Variants in TULP3 observed in about 807,000 individuals in gnomAD.
TULP3 encodes TUB like protein 3.
Under a neutral mutation model 50.7 loss-of-function variants are expected in TULP3, and 38 were observed. That is an observed-to-expected ratio of 0.75 (90% CI 0.58 to 0.98). The LOEUF (loss-of-function observed/expected upper bound fraction) is 0.98. Ranked by LOEUF, TULP3 falls within the 50% of genes least tolerant of loss-of-function variation. TULP3 has a pLI of 0.00. For synonymous variants in TULP3, 183 were observed against 196.6 expected, an observed-to-expected ratio of 0.93 and a Z score of 0.58; for missense variants, 550 against 568.0, an observed-to-expected ratio of 0.97 and a Z score of 0.32.
At chr12:2,932,579 C>CA (rs11409686) in intron 6 of TULP3, among the ~76,000 whole-genome samples, 22,146 of 68,316 alleles carry the variant, frequency 0.32, 2,601 homozygotes, top group Middle Eastern at 0.39. Flanking sequence ...GACCCTATCT[C>CA]AAAAAAAAAA....
chr12:2,901,718 A>G (rs1018105763), intron 1 of TULP3, among the ~76,000 whole-genome samples: 1 of 152,128 alleles, frequency 6.6e-6, no homozygotes, highest in Non-Finnish European at 1.5e-5. Context: ...TTAATCTGTA[A>G]GAGTTCTTTA....
In TULP3 at chr12:2,939,804, AAC is replaced by A; in HGVS notation, c.*371_*372del. ...TTTGGAACGACCCCTGAATATATAA[AAC>A]ACACACACACCCCGCGCACTCTCAC... is the stretch of plus-strand genomic sequence containing the variant. On this transcript the variant is annotated 3_prime_UTR_variant, in exon 11 of 11. Coordinates refer to ENST00000448120, the MANE Select transcript of TULP3 (RefSeq NM_003324.5). This position sits in a 1 kb window ranked among gnomAD's most constrained non-coding sequence, Gnocchi z 4.0. 3.4e-6 allele frequency: 4 copies of A among 1,189,886 alleles called. No homozygotes were observed. The highest frequency in any genetic ancestry group is 2.1e-6 in the Non-Finnish European group (2 of 942,832). The allele number at this position is 1,189,886 out of a possible 1,614,324, so 73.7% of individuals were successfully genotyped here. A position where few individuals can be genotyped will look rare whatever the true frequency, so the allele number is the denominator to read the frequency against.
chr12:2,904,897 G>C (rs1306617487), intron 1 of TULP3, among the ~76,000 whole-genome samples: 2 of 151,952 alleles, frequency 1.3e-5, no homozygotes, highest in Non-Finnish European at 2.9e-5. Flanking sequence ...CTGAAGTCAG[G>C]AGTTTGAGAC....
chr12:2,912,042 AG>A (rs1472007192), intron 2 of TULP3, among the ~76,000 whole-genome samples: 1 of 152,044 alleles, frequency 6.6e-6, no homozygotes, highest in Admixed American at 6.6e-5. Flanking sequence ...GTCACTCAGT[AG>A]GGGGTAAGGG....
intron 1 of TULP3, among the ~76,000 whole-genome samples, chr12:2,891,894 AAAAAT>A (rs765002666): frequency 1.2e-4 from 19 of 152,054 alleles, no homozygotes; most frequent in Admixed American, 7.2e-4. Flanking sequence ...ATCTCTAGAA[AAAAAT>A]AAAATAAAAT....
At position 2,907,660 on chromosome 12, in the gene TULP3, A is replaced by ATT. The variant is rs1565499305; in HGVS notation, c.42-1869_42-1868insTT. ...GAGACTCTGTCTCAAAAAAAAAAAA[A>ATT]ATTTTTTATTCTTATACACACTGAA... On this transcript the variant is annotated intron_variant, in intron 1 of 10. Coordinates refer to ENST00000448120, the MANE Select transcript of TULP3 (RefSeq NM_003324.5). 2.0e-3 allele frequency among the ~76,000 whole-genome samples: 94 copies of ATT among 47,182 alleles called. 1 individual carries two copies. The highest frequency in any genetic ancestry group is 7.3e-3 in the African/African-American group (76 of 10,384). The allele number at this position is 47,182 out of a possible 152,430, so 31.0% of individuals were successfully genotyped here. A position where few individuals can be genotyped will look rare whatever the true frequency, so the allele number is the denominator to read the frequency against.
intron 2 of TULP3, among the ~76,000 whole-genome samples, chr12:2,913,823 C>T (rs745800190): frequency 9.9e-5 from 15 of 152,032 alleles, no homozygotes; most frequent in Admixed American, 2.6e-4. Flanking sequence ...ATTGGTCAGG[C>T]TGATCTCGAA....
chr12:2,915,516 C>T (rs1028687652), intron 2 of TULP3, among the ~76,000 whole-genome samples: 8 of 147,280 alleles, frequency 5.4e-5, no homozygotes, highest in African/African-American at 1.3e-4. Context: ...GCTTTGTGGG[C>T]GGGGAGATTA....
At chr12:2,915,270 G>A (rs1487515854) in intron 2 of TULP3, among the ~76,000 whole-genome samples, 1 of 152,160 alleles carries the variant, frequency 6.6e-6, no homozygotes, top group Non-Finnish European at 1.5e-5. Context: ...GATTACAGGC[G>A]TGAGCCACTG....
Position 2,921,556 on chromosome 12 carries a change from G to A in TULP3, c.253+634G>A, listed in dbSNP as rs147418039. On this transcript the variant is annotated intron_variant, in intron 3 of 10. Transcript: ENST00000448120. ...ATGAAGCCGGGAATAGGTAGAGAGC[G>A]TCCATTCTTCCAACAGATAGTTGAA... 1.9e-3 allele frequency among the ~76,000 whole-genome samples: 295 copies of A among 152,196 alleles called. 1 individual carries two copies. Among genetic ancestry groups the A allele is most frequent in the African/African-American group, 6.9e-3 (286 of 41,524 alleles).
At chr12:2,896,673 T>C (rs956312337) in intron 1 of TULP3, among the ~76,000 whole-genome samples, 24 of 152,228 alleles carry the variant, frequency 1.6e-4, no homozygotes, top group African/African-American at 5.5e-4. Context: ...TATTGCTATT[T>C]AGCTTTGCAG....
At chr12:2,924,187 A>G (rs2098193403) in intron 4 of TULP3, among the ~76,000 whole-genome samples, 1 of 152,114 alleles carries the variant, frequency 6.6e-6, no homozygotes, top group Non-Finnish European at 1.5e-5. Flanking sequence ...CTCCACTTGG[A>G]CACTTTCCCA....
At chr12:2,900,905 G>C (rs2098178811) in intron 1 of TULP3, among the ~76,000 whole-genome samples, 1 of 142,586 alleles carries the variant, frequency 7.0e-6, no homozygotes, top group Admixed American at 7.2e-5. Flanking sequence ...TGTAGAGACG[G>C]TTTCACCATG....
chr12:2,896,245 T>C (rs1388128649), intron 1 of TULP3, among the ~76,000 whole-genome samples: 1 of 152,136 alleles, frequency 6.6e-6, no homozygotes, highest in African/African-American at 2.4e-5. Flanking sequence ...TGGCTGACAA[T>C]GTGGTGTTAT....
intron 2 of TULP3, 54 bp downstream of exon 2, chr12:2,909,634 C>A: frequency 6.6e-7 from 1 of 1,515,108 alleles, no homozygotes; most frequent in Non-Finnish European, 9.0e-7. Flanking sequence ...GACCGTGATG[C>A]TGATGGTCTT....
chr12:2,935,936 T>C (rs1175758080), intron 8 of TULP3, among the ~76,000 whole-genome samples: 1 of 151,700 alleles, frequency 6.6e-6, no homozygotes, highest in African/African-American at 2.4e-5. Flanking sequence ...CACCATGCAC[T>C]CTAGCCTGGG....
chr12:2,902,131 T>A (rs2098179640), intron 1 of TULP3, among the ~76,000 whole-genome samples: 1 of 152,224 alleles, frequency 6.6e-6, no homozygotes, highest in African/African-American at 2.4e-5. Flanking sequence ...TTATTTTAGC[T>A]TCATGCAGCA....
chr12:2,918,000 A>C (rs1306426428), intron 2 of TULP3, among the ~76,000 whole-genome samples: 2 of 151,454 alleles, frequency 1.3e-5, no homozygotes, highest in African/African-American at 4.8e-5. Flanking sequence ...GAGTCAGGAG[A>C]ATTGCTTGAA....
intron 1 of TULP3, among the ~76,000 whole-genome samples, chr12:2,891,506 G>C (rs2098172040): frequency 6.6e-6 from 1 of 152,196 alleles, no homozygotes; most frequent in South Asian, 2.1e-4. Context: ...TCCAGTGTTT[G>C]TCCCTGATTC....
Sources: gnomAD v4.1 joint callset for allele counts (sites outside exome capture counted in the v4.1 genomes callset) on GRCh38, gnomAD v4.1.1 for gene constraint, Gnocchi (gnomAD v3.1) non-coding constraint, MANE v1.5 for transcripts, NCBI Gene and HGNC (gene_info 2026-07-23, HGNC 2026-07-21) for gene names.